Variants in RFC3 observed in about 807,000 individuals in gnomAD.
The protein encoded by RFC3 is A1 38 kDa subunit.
A neutral mutation model predicts 45.1 loss-of-function variants in RFC3; 41 were observed. The ratio of observed to expected loss-of-function variants is 0.91; its 90% CI spans 0.71 to 1.18. The LOEUF (loss-of-function observed/expected upper bound fraction) is 1.18. RFC3 is among the 50% of genes most tolerant of loss of function. RFC3 has a pLI of 0.00. For missense variants in RFC3, 423 were observed against 428.1 expected (o/e 0.99, Z 0.10); for synonymous variants, 149 against 144.0 (o/e 1.03, Z -0.25).
intron 8 of RFC3, among the ~76,000 whole-genome samples, chr13:33,868,839 T>G (rs1466645854): frequency 6.6e-6 from 1 of 152,196 alleles, no homozygotes; most frequent in East Asian, 1.9e-4. Context: ...CCTGGATGAC[T>G]CAAAGTCAAG....
chr13:33,915,782 T>A lies in RFC3; in HGVS notation c.880-50305T>A, dbSNP rs551461840. 4.7e-4 allele frequency among the ~76,000 whole-genome samples: 71 copies of A among 149,962 alleles called. No individual in the cohort carries two copies. In the South Asian group the frequency reaches 0.014, roughly 31 times the overall value. ...TCATATTAACATTGTGAGGCAATAA[T>A]TATATTTCTATATTTCTATATATAT... On this transcript the variant is annotated intron_variant, in intron 8 of 8. Coordinates refer to the RFC3 transcript ENST00000434425.
At chr13:33,839,447 G>T (rs1179426662), downstream of RFC3, among the ~76,000 whole-genome samples, 1 of 152,152 alleles carries the variant, frequency 6.6e-6, no homozygotes, top group African/African-American at 2.4e-5. Context: ...TTTTTTACTG[G>T]CCAAGTGACA....
chr13:33,898,303 A>T (rs2082614770), intron 8 of RFC3, among the ~76,000 whole-genome samples: 1 of 151,934 alleles, frequency 6.6e-6, no homozygotes, highest in Non-Finnish European at 1.5e-5. Flanking sequence ...AAACCATTTC[A>T]ATCTTTTCAG....
chr13:33,833,923 A>G (rs1231642197), intron 7 of RFC3, among the ~76,000 whole-genome samples: 2 of 152,092 alleles, frequency 1.3e-5, no homozygotes, highest in Admixed American at 6.6e-5. Flanking sequence ...CAGCGAACCT[A>G]GTACAGAATT....
chr13:33,969,572 G>T (rs2137882608), downstream of RFC3, among the ~76,000 whole-genome samples: 1 of 152,204 alleles, frequency 6.6e-6, no homozygotes, highest in Admixed American at 6.5e-5. Flanking sequence ...ACAGATTCAA[G>T]GTCTCTTAAT....
chr13:33,918,827 A>G (rs1436728298), intron 8 of RFC3, among the ~76,000 whole-genome samples: 2 of 152,140 alleles, frequency 1.3e-5, no homozygotes, highest in African/African-American at 4.8e-5. Flanking sequence ...TGATGTGGCC[A>G]TATTTCCACA....
intron 8 of RFC3, among the ~76,000 whole-genome samples, chr13:33,875,802 T>G (rs1217885779): frequency 2.0e-5 from 3 of 152,074 alleles, no homozygotes; most frequent in Non-Finnish European, 4.4e-5. Flanking sequence ...ATGGAGCAAC[T>G]GTCACTTACA....
intron 8 of RFC3, among the ~76,000 whole-genome samples, chr13:33,852,926 C>T (rs186328512): frequency 6.6e-6 from 1 of 152,252 alleles, no homozygotes; most frequent in East Asian, 1.9e-4. Context: ...ACAGACCAAC[C>T]TTGTCCTAAA....
intron 8 of RFC3, among the ~76,000 whole-genome samples, chr13:33,858,178 G>A (rs1276200189): frequency 6.6e-6 from 1 of 152,158 alleles, no homozygotes; most frequent in African/African-American, 2.4e-5. Context: ...AGAGAGATTT[G>A]ATGAAGTTTA....
At chr13:33,935,682 GT>G (rs2137785206) in intron 8 of RFC3, among the ~76,000 whole-genome samples, 1 of 152,152 alleles carries the variant, frequency 6.6e-6, no homozygotes, top group African/African-American at 2.4e-5. Context: ...ACCTTGTTTG[GT>G]TTGTTTCTGA....
At chr13:33,976,188 T>C in the RFC3 span, among the ~76,000 whole-genome samples, 1 of 152,176 alleles carries the variant, frequency 6.6e-6, no homozygotes, top group African/African-American at 2.4e-5. Context: ...CACAAACTCA[T>C]ACTGATATAG....
chr13:33,946,150 T>C (rs941214085), intron 8 of RFC3, among the ~76,000 whole-genome samples: 2 of 152,218 alleles, frequency 1.3e-5, no homozygotes, highest in African/African-American at 4.8e-5. Context: ...ATTGCTGTGT[T>C]TGCCTTCCCA....
chr13:33,892,118 A>G lies in RFC3; in HGVS notation c.879+56901A>G, dbSNP rs1765420071. 2.0e-5 allele frequency among the ~76,000 whole-genome samples: 3 copies of G among 151,972 alleles called. No individual in the cohort carries two copies. The South Asian group carries it at 6.2e-4, about 31-fold the overall frequency. The stretch of plus-strand genomic sequence containing the variant: ...AAAATCCAATAACTCCATCATCATA[A>G]CAGTTCATATGCTGTAAATGTATTG... On this transcript the variant is annotated intron_variant, in intron 8 of 8. Coordinates refer to the RFC3 transcript ENST00000434425.
At chr13:33,884,271 C>T (rs917101777) in intron 8 of RFC3, among the ~76,000 whole-genome samples, 15 of 152,192 alleles carry the variant, frequency 9.9e-5, no homozygotes, top group South Asian at 6.2e-4. Flanking sequence ...TTGGGTTCTG[C>T]GCTGACCAAA....
intron 8 of RFC3, among the ~76,000 whole-genome samples, chr13:33,946,714 A>G (rs2082956651): frequency 6.6e-6 from 1 of 152,226 alleles, no homozygotes; most frequent in African/African-American, 2.4e-5. Context: ...TATGAAGAAA[A>G]TCTGGCCTCA....
intron 4 of RFC3, 132 bp downstream of exon 4, chr13:33,826,018 G>A: frequency 2.3e-6 from 1 of 426,048 alleles, no homozygotes. Flanking sequence ...TAATGGAATT[G>A]AATTTTATGT....
intron 1 of RFC3, among the ~76,000 whole-genome samples, chr13:33,819,175 G>A (rs961935995): frequency 6.6e-6 from 1 of 152,058 alleles, no homozygotes; most frequent in Non-Finnish European, 1.5e-5. Flanking sequence ...TACAGGCGTG[G>A]GCCACCGTGC....
intron 8 of RFC3, among the ~76,000 whole-genome samples, chr13:33,935,257 A>G (rs954795402): frequency 1.3e-5 from 2 of 152,196 alleles, no homozygotes; most frequent in African/African-American, 4.8e-5. Flanking sequence ...AAATGTAAAA[A>G]TGCCATCAAC....
chr13:33,843,091 C>CA lies in RFC3; in HGVS notation c.879+7882dup, dbSNP rs965562737. Among the ~76,000 whole-genome samples the CA allele has an allele frequency of 3.3e-5, 5 of 151,244 alleles. No individual in the cohort carries two copies. The East Asian group carries it at 5.8e-4, about 18-fold the overall frequency. On this transcript the variant is annotated intron_variant, in intron 8 of 8. Coordinates refer to the RFC3 transcript ENST00000434425. ...TTCCTTAAAAAGTAAAACAAAAAAA[C>CA]AAAAAAAACCTCAACTCTTGGCAGC...
Sources: allele counts gnomAD v4.1 joint callset (sites outside exome capture counted in the v4.1 genomes callset), GRCh38; gene constraint gnomAD v4.1.1; transcripts MANE v1.5; gene names NCBI Gene and HGNC (gene_info 2026-07-23, HGNC 2026-07-21).